Variants in SHISA6 observed in about 807,000 individuals in gnomAD.
SHISA6 encodes the protein protein shisa-6.
Under a neutral mutation model 47.9 loss-of-function variants are expected in SHISA6, and 22 were observed. The observed-to-expected ratio is 0.46, with a 90% CI of 0.33 to 0.66. The LOEUF is 0.66. SHISA6 is among the 30% of genes least tolerant of loss of function. The pLI is 0.02. For synonymous variants in SHISA6, 388 were observed against 337.8 expected (o/e 1.15, Z -1.63); for missense variants, 680 against 764.6 (o/e 0.89, Z 1.30).
chr17:11,495,542 C>A (rs138207331), intron 3 of SHISA6, among the ~76,000 whole-genome samples: 54 of 152,256 alleles, frequency 3.5e-4, no homozygotes, highest in African/African-American at 1.3e-3. Flanking sequence ...TGCTGGCTGG[C>A]AGAATTTTGC....
intron 3 of SHISA6, among the ~76,000 whole-genome samples, chr17:11,548,440 C>CATATATATATATATAT (rs10578711): frequency 6.7e-6 from 1 of 148,554 alleles, no homozygotes; most frequent in Non-Finnish European, 1.5e-5. Flanking sequence ...ATGCATATTT[C>CATATATATATATATAT]ATATATATAT....
At chr17:11,556,676 G>C (rs976405285) in intron 5 of SHISA6, among the ~76,000 whole-genome samples, 1 of 152,126 alleles carries the variant, frequency 6.6e-6, no homozygotes, top group Non-Finnish European at 1.5e-5. Flanking sequence ...ATGGTGAAAC[G>C]TGGAGTCTCT....
intron 2 of SHISA6, among the ~76,000 whole-genome samples, chr17:11,363,434 A>T (rs1407013077): frequency 1.3e-5 from 2 of 152,178 alleles, no homozygotes; most frequent in African/African-American, 4.8e-5. Context: ...TTTACAAGGC[A>T]CTTTCTTTTT....
intron 2 of SHISA6, among the ~76,000 whole-genome samples, chr17:11,319,322 A>T (rs1003828532): frequency 6.6e-6 from 1 of 151,844 alleles, no homozygotes; most frequent in Non-Finnish European, 1.5e-5. Flanking sequence ...CAGGTGATCC[A>T]CCCGCCTCGC....
intron 2 of SHISA6, among the ~76,000 whole-genome samples, chr17:11,297,352 A>G (rs1382704620): frequency 6.6e-6 from 1 of 152,194 alleles, no homozygotes; most frequent in Non-Finnish European, 1.5e-5. Flanking sequence ...TTCCTCTGCA[A>G]TGAATAGCCC....
At chr17:11,395,259 A>C (rs778040538) in intron 3 of SHISA6, among the ~76,000 whole-genome samples, 1 of 151,926 alleles carries the variant, frequency 6.6e-6, no homozygotes, top group Non-Finnish European at 1.5e-5. Context: ...CACTAGTGTA[A>C]AAAGAAAAAT....
chr17:11,459,173 C>T (rs554047015), intron 3 of SHISA6, among the ~76,000 whole-genome samples: 5 of 149,594 alleles, frequency 3.3e-5, no homozygotes, highest in Admixed American at 6.7e-5. Flanking sequence ...GAGCCAAAAT[C>T]GCACCACTTC....
At chr17:11,260,584 G>T (rs1908196743) in intron 1 of SHISA6, among the ~76,000 whole-genome samples, 1 of 151,756 alleles carries the variant, frequency 6.6e-6, no homozygotes, top group Non-Finnish European at 1.5e-5. Flanking sequence ...GGTTCTCTGT[G>T]GCTTACTCTC....
At chr17:11,258,604 G>T (rs1188234803) in intron 1 of SHISA6, among the ~76,000 whole-genome samples, 1 of 152,220 alleles carries the variant, frequency 6.6e-6, no homozygotes, top group East Asian at 1.9e-4. Flanking sequence ...CAGCTGGGTA[G>T]ATCCTGCCAG....
At chr17:11,436,444 T>A (rs536872677) in intron 3 of SHISA6, among the ~76,000 whole-genome samples, 1 of 152,374 alleles carries the variant, frequency 6.6e-6, no homozygotes, top group South Asian at 2.1e-4. Context: ...GCTGTACAGT[T>A]ATATTATTCT....
At chr17:11,490,469 G>C (rs2142337520) in intron 3 of SHISA6, among the ~76,000 whole-genome samples, 1 of 152,270 alleles carries the variant, frequency 6.6e-6, no homozygotes, top group East Asian at 1.9e-4. Flanking sequence ...CACCGAGCAG[G>C]GAGGAATGAG....
At position 11,555,792 on chromosome 17, in the gene SHISA6, C is replaced by G; in HGVS notation, c.1005C>G (p.Leu335=). The G allele has an allele frequency of 6.4e-7, 1 of 1,551,968 alleles. No individual in the cohort carries two copies. The highest frequency in any genetic ancestry group is 8.7e-7 in the Non-Finnish European group (1 of 1,146,966). Residue 335 remains leucine, a synonymous_variant, in exon 5 of 6, where the codon CTC becomes CTG. Transcript: ENST00000441885. ...CATCAGCCACCGAGCCCTATGACCT[C>G]TCCTTCTCCCGCTCGTTCCAGAACT... is the stretch of plus-strand genomic sequence containing the variant. ...ILTSATEPYD[L]SFSRSFQNLA... is the part of the protein sequence containing the mutation.
chr17:11,261,735 C>T (rs754833567), intron 1 of SHISA6, among the ~76,000 whole-genome samples: 2 of 152,166 alleles, frequency 1.3e-5, no homozygotes, highest in Non-Finnish European at 2.9e-5. Context: ...GTTGTATCTA[C>T]CCTTTGGCTG....
intron 2 of SHISA6, among the ~76,000 whole-genome samples, chr17:11,351,696 C>T (rs1190075225): frequency 2.0e-5 from 3 of 152,258 alleles, no homozygotes; most frequent in Admixed American, 2.0e-4. Flanking sequence ...TCTGCACCTT[C>T]ATCCTCTGGC....
intron 2 of SHISA6, among the ~76,000 whole-genome samples, chr17:11,278,388 T>A (rs1908999863): frequency 6.6e-6 from 1 of 152,216 alleles, no homozygotes. Context: ...TATTCATCTT[T>A]GGGTCCCTGC....
chr17:11,488,790 A>T (rs1237452364), intron 3 of SHISA6, among the ~76,000 whole-genome samples: 1 of 152,244 alleles, frequency 6.6e-6, no homozygotes, highest in South Asian at 2.1e-4. Context: ...CTTGAATTAT[A>T]TGCTCATCCC....
In SHISA6 at chr17:11,560,610, G is replaced by A. The variant is rs1217011562; in HGVS notation, c.*2306G>A. ...TGCCCTTCCCAGGTGTCTACATGCA[G>A]GTATACACCAAACCAGAAAGCTGAT... On this transcript the variant is annotated 3_prime_UTR_variant, in exon 6 of 6. Coordinates refer to ENST00000441885, the MANE Select transcript of SHISA6 (RefSeq NM_207386.4). 1.3e-5 allele frequency: 2 copies of A among 152,214 alleles called. No individual in the cohort carries two copies. The highest frequency in any genetic ancestry group is 4.8e-5 in the African/African-American group (2 of 41,412). The allele number at this position is 152,214 out of a possible 1,614,324, so 9.4% of individuals were successfully genotyped here. A position where few individuals can be genotyped will look rare whatever the true frequency, so the allele number is the denominator to read the frequency against.
intron 3 of SHISA6, among the ~76,000 whole-genome samples, chr17:11,502,175 C>T (rs1252916797): frequency 1.3e-5 from 2 of 151,588 alleles, no homozygotes; most frequent in Admixed American, 6.6e-5. Flanking sequence ...TTTGGGAGGC[C>T]GAGGCGGGCG....
chr17:11,521,290 A>C (rs2142363069), intron 3 of SHISA6, among the ~76,000 whole-genome samples: 1 of 152,340 alleles, frequency 6.6e-6, no homozygotes, highest in Non-Finnish European at 1.5e-5. Flanking sequence ...GATTTTAGTA[A>C]AATGTAGTAT....
Sources: allele counts gnomAD v4.1 joint callset (sites outside exome capture counted in the v4.1 genomes callset), GRCh38; gene constraint gnomAD v4.1.1; transcripts MANE v1.5; gene names NCBI Gene and HGNC (gene_info 2026-07-23, HGNC 2026-07-21).